CUL4B: variants seen among roughly 807,000 people sequenced by gnomAD.
CUL4B encodes cullin-4B.
CUL4B carries 1 observed loss-of-function variant against 69.2 expected under a neutral mutation model. The observed-to-expected ratio is 0.01, with a 90% CI of 0.01 to 0.07. The LOEUF is 0.07. CUL4B is among the 10% of genes least tolerant of loss of function. CUL4B has a pLI of 1.00. For synonymous variants in CUL4B, 237 were observed against 223.2 expected (o/e 1.06, Z -0.55); for missense variants, 328 against 638.8 (o/e 0.51, Z 5.24).
intron 2 of CUL4B, among the ~76,000 whole-genome samples, chrX:120,572,464 C>CAAAAAAAAAAAAAAAAAAAAAAAAAAAA (rs66749436): frequency 2.0e-5 from 1 of 50,437 alleles, no homozygotes; most frequent in African/African-American, 7.5e-5. Flanking sequence ...CAAAACTCCT[C>CAAAAAAAAAAAAAAAAAAAAAAAAAAAA]AAAAAAAAAA....
intron 8 of CUL4B, 138 bp downstream of exon 8, chrX:120,543,589 G>A: frequency 2.1e-6 from 1 of 485,683 alleles, no homozygotes; most frequent in South Asian, 2.9e-5. Context: ...AGAATAACTT[G>A]AAGTTTGTAT....
intron 2 of CUL4B, among the ~76,000 whole-genome samples, chrX:120,551,030 C>A (rs1389299902): frequency 1.8e-5 from 2 of 111,252 alleles, no homozygotes; most frequent in African/African-American, 6.5e-5. Flanking sequence ...AGACTTCTCA[C>A]TACATGCTCT....
intron 17 of CUL4B, among the ~76,000 whole-genome samples, chrX:120,534,015 G>A (rs938729523): frequency 9.1e-6 from 1 of 110,006 alleles, no homozygotes; most frequent in Non-Finnish European, 1.9e-5. Context: ...GCAGTGAGCC[G>A]AGATCGCGCC....
At chrX:120,532,270 A>G (rs1319297181) in intron 18 of CUL4B, 152 bp downstream of exon 18, 1 of 472,454 alleles carries the variant, frequency 2.1e-6, no homozygotes, top group African/African-American at 2.4e-5. Flanking sequence ...CCAAACACCC[A>G]AAATCAAATC....
chrX:120,572,356 T>C (rs1302987398), intron 2 of CUL4B, among the ~76,000 whole-genome samples: 1 of 106,996 alleles, frequency 9.3e-6, no homozygotes, highest in East Asian at 2.9e-4. Context: ...TCCCAGCTAC[T>C]TGGGAGGCTG....
Position 120,538,641 on chromosome X carries a change from G to C in CUL4B, c.1852+19C>G. The C allele has an allele frequency of 7.8e-6, 8 of 1,025,757 alleles. No individual in the cohort carries two copies. Among genetic ancestry groups the C allele is most frequent in the Non-Finnish European group, 1.1e-5 (8 of 727,673 alleles). The allele number at this position is 1,025,757 out of a possible 1,213,427, so 84.5% of individuals were successfully genotyped here. A position where few individuals can be genotyped will look rare whatever the true frequency, so the allele number is the denominator to read the frequency against. On this transcript the variant is annotated intron_variant, in intron 13 of 19. Transcript: ENST00000371322. ...CTTCAGGAATCAAAGAAAAGGAACA[G>C]AAAGAATGAGAAACCTACCATGTTT...
In CUL4B at chrX:120,573,159, A is replaced by G. The variant is rs143768157; in HGVS notation, c.68-1159T>C. 6.4e-3 allele frequency among the ~76,000 whole-genome samples: 719 copies of G among 111,896 alleles called. 22 individuals carry two copies. The highest frequency in any genetic ancestry group is 0.051 in the Admixed American group (538 of 10,475). ...TTCCTCAGCATTTATGTACATATAT[A>G]CTTGTATATATACAAATAGGAAGCT... On this transcript the variant is annotated intron_variant, in intron 2 of 2. Transcript: ENST00000486604.
intron 18 of CUL4B, among the ~76,000 whole-genome samples, chrX:120,532,016 A>G (rs1320602083): frequency 4.5e-5 from 5 of 111,574 alleles, no homozygotes; most frequent in Non-Finnish European, 9.4e-5. Context: ...CAGAGATTAA[A>G]ATTTAGTTTC....
intron 11 of CUL4B, among the ~76,000 whole-genome samples, chrX:120,539,903 T>C (rs1162209810): frequency 8.9e-6 from 1 of 111,904 alleles, no homozygotes; most frequent in Non-Finnish European, 1.9e-5. Flanking sequence ...TCAGGTTACC[T>C]CCTCCTCTGA....
chrX:120,544,437 G>C, intron 6 of CUL4B, 44 bp downstream of exon 6: 6 of 1,189,731 alleles, frequency 5.0e-6, no homozygotes, highest in Non-Finnish European at 6.8e-6. Flanking sequence ...AAAAAAACTA[G>C]GATAGCAATC....
At chrX:120,547,710 C>T (rs1055917370) in intron 2 of CUL4B, among the ~76,000 whole-genome samples, 1 of 111,519 alleles carries the variant, frequency 9.0e-6, no homozygotes, top group Non-Finnish European at 1.9e-5. Context: ...CTGGGTGTGT[C>T]TGTGAGGGTG....
chrX:120,542,576 C>T (rs1027040021), intron 9 of CUL4B, among the ~76,000 whole-genome samples: 1 of 111,590 alleles, frequency 9.0e-6, no homozygotes, highest in Admixed American at 9.6e-5. Context: ...TTACTGAAAG[C>T]TTACATATTA....
rs1464895451 is a variant in CUL4B at position 120,560,433 on chromosome X, G to A, written c.206C>T (p.Pro69Leu). Residue 69 changes from proline (P) to leucine (L), a missense_variant, in exon 1 of 20, where the codon CCT becomes CTT. This residue lies in a region of CUL4B where 102 missense variants were observed against 122.1 expected (regional missense o/e 0.84). Transcript: ENST00000371322. ...GGATGCCGAATCCCTGGGTTGTAAAGGAGGAGTGGAAGAGGAGGAAGAGGT... is the reference window on the plus strand; with the variant it reads ...GGATGCCGAATCCCTGGGTTGTAAAAGAGGAGTGGAAGAGGAGGAAGAGGT... ...DSTSSSSSTP[P>L]LQPRDSASPS... The A allele has an allele frequency of 2.5e-5, 30 of 1,208,819 alleles. No individual in the cohort carries two copies. The highest frequency in any genetic ancestry group is 3.4e-5 in the Non-Finnish European group (30 of 894,581).
In CUL4B at chrX:120,531,189, G is replaced by A. The variant is rs771524313; in HGVS notation, c.2440-935C>T. Among the ~76,000 whole-genome samples the A allele has an allele frequency of 1.3e-4, 14 of 109,215 alleles. No individual in the cohort carries two copies. The South Asian group carries it at 3.7e-3, about 29-fold the overall frequency. 94.8% of individuals were successfully genotyped at this position (109,215 alleles called of 115,157 possible). ...ATACAAAAATTAGCCGGGCATGGTC[G>A]CTCACGCATGTAGTCCCAGCTACTC... On this transcript the variant is annotated intron_variant, in intron 18 of 19. Coordinates refer to ENST00000371322, the MANE Select transcript of CUL4B (RefSeq NM_001079872.2).
At chrX:120,533,729 T>G (rs1419687072) in intron 17 of CUL4B, among the ~76,000 whole-genome samples, 1 of 111,622 alleles carries the variant, frequency 9.0e-6, no homozygotes, top group Non-Finnish European at 1.9e-5. Context: ...ACTTATGGGT[T>G]TTGACATTAT....
chrX:120,549,272 G>A (rs1924530492), intron 2 of CUL4B, among the ~76,000 whole-genome samples: 1 of 112,278 alleles, frequency 8.9e-6, no homozygotes, highest in Admixed American at 9.4e-5. Flanking sequence ...AAGAAAGCTT[G>A]GCAGAGCGCG....
intron 8 of CUL4B, 73 bp from the exon 9 acceptor site, chrX:120,543,106 G>T: frequency 1.5e-6 from 1 of 647,552 alleles, no homozygotes; most frequent in Non-Finnish European, 2.5e-6. Flanking sequence ...CTCCTGAGGG[G>T]GGAAAAAAAT....
At position 120,536,234 on chromosome X, in the gene CUL4B, T is replaced by A. The variant is rs772638429; in HGVS notation, c.2047-291A>T. ...TATGCTGCTTCCTTTATTTCACTGT[T>A]GCTTCTGCATTGGTTTCCTTCACAG... On this transcript the variant is annotated intron_variant, in intron 15 of 19. Coordinates refer to ENST00000371322, the MANE Select transcript of CUL4B (RefSeq NM_001079872.2). 5.3e-5 allele frequency among the ~76,000 whole-genome samples: 6 copies of A among 113,186 alleles called. No homozygotes were observed. In the East Asian group the frequency reaches 1.7e-3, roughly 31 times the overall value.
At chrX:120,529,290 T>C (rs1361213542) in intron 19 of CUL4B, among the ~76,000 whole-genome samples, 2 of 111,900 alleles carry the variant, frequency 1.8e-5, no homozygotes, top group Admixed American at 9.5e-5. Flanking sequence ...GTGCTTATTA[T>C]GTACCAGGTC....
Sources: allele counts gnomAD v4.1 joint callset (sites outside exome capture counted in the v4.1 genomes callset), GRCh38; gene constraint gnomAD v4.1.1; regional missense constraint gnomAD v4.1.1; transcripts MANE v1.5; gene names NCBI Gene and HGNC (gene_info 2026-07-23, HGNC 2026-07-21).